RNF14: variants seen among roughly 807,000 people sequenced by gnomAD.
RNF14 encodes the protein ring finger protein 14.
In RNF14, 26 loss-of-function variants were observed where a neutral mutation model predicts 52.6. The ratio of observed to expected loss-of-function variants is 0.49; its 90% CI spans 0.36 to 0.69. The LOEUF (loss-of-function observed/expected upper bound fraction) is 0.69, where lower values mean the gene tolerates loss of function less well. RNF14 is among the 30% of genes least tolerant of loss of function. RNF14 has a pLI of 0.00. For synonymous variants in RNF14, 194 were observed against 202.0 expected, an observed-to-expected ratio of 0.96 and a Z score of 0.34; for missense variants, 404 against 560.4, an observed-to-expected ratio of 0.72 and a Z score of 2.82.
chr5:141,957,700 T>C (rs138473035), upstream of RNF14: 896 of 1,614,146 alleles, frequency 5.6e-4, 2 homozygotes, highest in Middle Eastern at 2.5e-3. The surrounding 1 kb of genome is among the most constrained non-coding windows in gnomAD (Gnocchi z 4.3). Context: ...GCCCAGTTCC[T>C]GGGACAGCTT....
At chr5:141,978,893 C>T (rs1157784984) in intron 5 of RNF14, 63 bp downstream of exon 5, 3 of 1,553,216 alleles carry the variant, frequency 1.9e-6, no homozygotes, top group Non-Finnish European at 1.8e-6. Flanking sequence ...GATATCATCT[C>T]AGGAACTTCC....
At chr5:141,973,514 AG>A in intron 2 of RNF14, 68 bp from the exon 3 acceptor site, 1 of 1,338,658 alleles carries the variant, frequency 7.5e-7, no homozygotes, top group Non-Finnish European at 1.0e-6. Context: ...TTGGGATTAC[AG>A]GTGTGAGCCA....
Position 141,971,566 on chromosome 5 carries a change from TCTTTCTTTCTTTC to T in RNF14, c.-7+690_-7+702del, listed in dbSNP as rs769580117. Reference sequence around the variant, plus strand: ...ACTTTAATTGTAGCTAATTTCTTTTTCTTTCTTTCTTTCTTTCTTTCTTTCTTTCTTTCTTTCT... The same window carrying T: ...ACTTTAATTGTAGCTAATTTCTTTTTTTTCTTTCTTTCTTTCTTTCTTTCT... On this transcript the variant is annotated intron_variant, in intron 2 of 8. Coordinates refer to ENST00000394520, the MANE Select transcript of RNF14 (RefSeq NM_004290.5). Among the ~76,000 whole-genome samples the T allele has an allele frequency of 8.4e-4, 118 of 140,026 alleles. 1 individual carries two copies. The highest frequency in any genetic ancestry group is 1.9e-3 in the African/African-American group (72 of 37,446). The allele number at this position is 140,026 out of a possible 152,430, so 91.9% of individuals were successfully genotyped here. A position where few individuals can be genotyped will look rare whatever the true frequency, so the allele number is the denominator to read the frequency against.
At chr5:141,954,884 T>A, upstream of RNF14, 1 of 1,481,172 alleles carries the variant, frequency 6.8e-7, no homozygotes, top group Non-Finnish European at 9.1e-7. Context: ...GGAAGAAACA[T>A]GAGGACTGTG....
In RNF14 at chr5:141,979,729, G is replaced by A. The variant is rs1156828174; in HGVS notation, c.835-394G>A. On this transcript the variant is annotated intron_variant, in intron 5 of 8. Coordinates refer to ENST00000394520, the MANE Select transcript of RNF14 (RefSeq NM_004290.5). Reference sequence around the variant, plus strand: ...CCTGTGCAAAATAGCATGACTCCATGTCTTAAAAAAAAAAAATCAGGCATG... The same window carrying A: ...CCTGTGCAAAATAGCATGACTCCATATCTTAAAAAAAAAAAATCAGGCATG... Among the ~76,000 whole-genome samples the A allele has an allele frequency of 3.3e-5, 5 of 151,578 alleles. No homozygotes were observed. The South Asian group carries it at 8.3e-4, about 25-fold the overall frequency.
the RNF14 span, among the ~76,000 whole-genome samples, chr5:141,951,314 T>G: frequency 6.6e-6 from 1 of 152,138 alleles, no homozygotes; most frequent in Non-Finnish European, 1.5e-5. Flanking sequence ...GTAAATACTA[T>G]CAATACAGTC....
chr5:141,984,753 CTT>C (rs1410263113), intron 7 of RNF14, 48 bp from the exon 8 acceptor site: 1 of 1,595,984 alleles, frequency 6.3e-7, no homozygotes, highest in Non-Finnish European at 8.6e-7. Context: ...TGTGCTGTCT[CTT>C]CTGCTTTTAC....
intron 8 of RNF14, among the ~76,000 whole-genome samples, chr5:141,985,187 G>A (rs252101): frequency 0.77 from 116,827 of 152,140 alleles, 45,036 homozygotes; most frequent in East Asian, 0.98. Context: ...TGAATAGTAG[G>A]ATACTTTCCA....
At chr5:141,955,260 G>A (rs374569241), upstream of RNF14, 1 of 1,614,130 alleles carries the variant, frequency 6.2e-7, no homozygotes, top group Non-Finnish European at 8.5e-7. This position sits in a 1 kb window ranked among gnomAD's most constrained non-coding sequence, Gnocchi z 5.5. Context: ...GCTCGGGAAG[G>A]TTCAGGTTCT....
chr5:141,986,352 T>TTG (rs1755232360), intron 8 of RNF14, among the ~76,000 whole-genome samples: 1 of 152,168 alleles, frequency 6.6e-6, no homozygotes, highest in Non-Finnish European at 1.5e-5. Context: ...ATTGCATAAG[T>TTG]TGTAGATAAC....
chr5:141,968,928 G>A (rs951795627), upstream of RNF14: 4 of 152,238 alleles, frequency 2.6e-5, no homozygotes, highest in African/African-American at 9.6e-5. Context: ...ACTGAAAAGA[G>A]CCTCCTGTGA....
upstream of RNF14, among the ~76,000 whole-genome samples, chr5:141,968,707 A>C (rs1387949985): frequency 6.6e-6 from 1 of 152,224 alleles, no homozygotes; most frequent in Admixed American, 6.5e-5. Flanking sequence ...TACAGTTATA[A>C]CATGAGCGAT....
chr5:141,987,878 A>G lies in RNF14; in HGVS notation c.*88A>G. 2 of 1,226,924 alleles carry G rather than the reference A, an allele frequency of 1.6e-6. No individual in the cohort carries two copies. Among genetic ancestry groups the G allele is most frequent in the Non-Finnish European group, 2.4e-6 (2 of 830,354 alleles). 76.0% of individuals were successfully genotyped at this position (1,226,924 alleles called of 1,614,324 possible). ...AGTAACTTTGCGGGATATTTAGGGT[A>G]CTATTCATTCACTCTTCCTGCGTAG... On this transcript the variant is annotated 3_prime_UTR_variant, in exon 9 of 9. Transcript: ENST00000394520.
chr5:141,956,413 A>G (rs543787411), upstream of RNF14: 5 of 1,614,204 alleles, frequency 3.1e-6, no homozygotes, highest in South Asian at 2.2e-5. Context: ...CTTGATGGTA[A>G]TGAGGTGAAG....
chr5:141,977,819 A>G (rs1003223654), intron 4 of RNF14, among the ~76,000 whole-genome samples: 2 of 152,268 alleles, frequency 1.3e-5, no homozygotes. Flanking sequence ...TGAAAGAATT[A>G]ATTTTAAAAC....
chr5:141,951,621 C>A, the RNF14 span: 1 of 1,503,502 alleles, frequency 6.7e-7, no homozygotes, highest in East Asian at 2.3e-5. Context: ...GTTGACTCCA[C>A]ACAATTCCGA....
chr5:141,986,988 T>A (rs1444040013), intron 8 of RNF14, among the ~76,000 whole-genome samples: 1 of 152,182 alleles, frequency 6.6e-6, no homozygotes, highest in East Asian at 1.9e-4. Flanking sequence ...GTCCACATCC[T>A]CCATAGACTG....
upstream of RNF14, among the ~76,000 whole-genome samples, chr5:141,965,585 T>G (rs906787824): frequency 6.6e-5 from 10 of 152,200 alleles, no homozygotes; most frequent in African/African-American, 1.9e-4. Context: ...AAAACCCTTA[T>G]TCTCTGACAG....
rs1755437596 is a variant in RNF14, at chr5:141,988,737, C to G, written c.*947C>G. On this transcript the variant is annotated 3_prime_UTR_variant, in exon 9 of 9. Coordinates refer to ENST00000394520, the MANE Select transcript of RNF14 (RefSeq NM_004290.5). The stretch of plus-strand genomic sequence containing the variant: ...TCTTGAATTATATCTGCATTTACCA[C>G]TGTATATGCATATAGTGACAGTATA... 6.6e-6 allele frequency: 1 copy of G among 152,312 alleles called. No individual in the cohort carries two copies. Among genetic ancestry groups the G allele is most frequent in the Non-Finnish European group, 1.5e-5 (1 of 68,028 alleles). 9.4% of individuals were successfully genotyped at this position (152,312 alleles called of 1,614,324 possible).
Sources: gnomAD v4.1 joint callset for allele counts (sites outside exome capture counted in the v4.1 genomes callset) on GRCh38, gnomAD v4.1.1 for gene constraint, Gnocchi (gnomAD v3.1) non-coding constraint, MANE v1.5 for transcripts, NCBI Gene and HGNC (gene_info 2026-07-23, HGNC 2026-07-21) for gene names.